The following LINGO2 variants were observed in gnomAD, a reference collection of about 807,000 sequenced individuals.
LINGO2 encodes the protein leucine-rich repeat and immunoglobulin-like domain-containing nogo receptor-interacting protein 2.
In LINGO2, 14 loss-of-function variants were observed where a neutral mutation model predicts 30.6. The ratio of observed to expected loss-of-function variants is 0.46; its 90% CI spans 0.30 to 0.72. The LOEUF is 0.72. Ranked by LOEUF, LINGO2 falls within the 30% of genes least tolerant of loss-of-function variation. The pLI is 0.07. For missense variants in LINGO2, 729 were observed against 751.7 expected (o/e 0.97, Z 0.35); for synonymous variants, 317 against 288.5 (o/e 1.10, Z -1.00).
intron 3 of LINGO2, among the ~76,000 whole-genome samples, chr9:28,344,385 G>A (rs960300171): frequency 1.3e-5 from 2 of 152,104 alleles, no homozygotes; most frequent in African/African-American, 4.8e-5. Flanking sequence ...ATGTTATTAA[G>A]TGAATAAAGT....
rs1827912722 is a variant in LINGO2, at chr9:28,149,275, G to A, written c.-86-136870C>T. ...GAGGCCCAGGCGGGCGGATCAGGAG[G>A]TCAAGAGATTGAGACCTGAGGAGCA... On this transcript the variant is annotated intron_variant, in intron 4 of 5. Transcript: ENST00000379992. The A allele has an allele frequency of 4.8e-6, 3 of 628,560 alleles. No homozygotes were observed. In the African/African-American group the frequency reaches 5.5e-5, roughly 12 times the overall value. The allele number at this position is 628,560 out of a possible 1,614,324, so 38.9% of individuals were successfully genotyped here. A position where few individuals can be genotyped will look rare whatever the true frequency, so the allele number is the denominator to read the frequency against.
intron 4 of LINGO2, among the ~76,000 whole-genome samples, chr9:28,217,478 G>A (rs1037943439): frequency 2.0e-5 from 3 of 152,022 alleles, no homozygotes; most frequent in African/African-American, 7.2e-5. Flanking sequence ...TAGCACTCCT[G>A]TTCATACCCT....
chr9:28,767,444 C>A, the LINGO2 span, among the ~76,000 whole-genome samples: 1 of 152,058 alleles, frequency 6.6e-6, no homozygotes, highest in South Asian at 2.1e-4. Flanking sequence ...TTTTTATTAT[C>A]CAAGTATGCA....
chr9:28,985,898 G>A, the LINGO2 span, among the ~76,000 whole-genome samples: 1 of 151,922 alleles, frequency 6.6e-6, no homozygotes, highest in Non-Finnish European at 1.5e-5. Context: ...CACTTTTGCT[G>A]TCTGCACTTT....
chr9:28,969,334 G>C, the LINGO2 span, among the ~76,000 whole-genome samples: 1 of 152,142 alleles, frequency 6.6e-6, no homozygotes, highest in East Asian at 1.9e-4. Flanking sequence ...ATCCAAGCAA[G>C]AGTAACAGCA....
the LINGO2 span, among the ~76,000 whole-genome samples, chr9:29,055,678 A>T: frequency 1.3e-5 from 2 of 152,112 alleles, no homozygotes; most frequent in African/African-American, 4.8e-5. Context: ...AGCAGTGTAC[A>T]CTGTAACCAG....
At chr9:28,330,822 G>C (rs1327896287) in intron 3 of LINGO2, among the ~76,000 whole-genome samples, 3 of 152,242 alleles carry the variant, frequency 2.0e-5, no homozygotes, top group East Asian at 3.9e-4. Context: ...GTGTTCAAAA[G>C]AGTGACCACA....
chr9:28,299,761 C>G (rs1415163943), intron 3 of LINGO2, among the ~76,000 whole-genome samples: 2 of 151,964 alleles, frequency 1.3e-5, no homozygotes, highest in Non-Finnish European at 2.9e-5. Context: ...TGATAAGTTC[C>G]TAGAGACTGA....
chr9:28,644,071 G>T (rs1367523792), intron 1 of LINGO2, among the ~76,000 whole-genome samples: 1 of 152,010 alleles, frequency 6.6e-6, no homozygotes, highest in East Asian at 1.9e-4. Flanking sequence ...GAGAACCCTT[G>T]TGCACTGTTG....
At chr9:28,660,536 C>T (rs756491838) in intron 1 of LINGO2, among the ~76,000 whole-genome samples, 2 of 151,896 alleles carry the variant, frequency 1.3e-5, no homozygotes, top group Non-Finnish European at 2.9e-5. Flanking sequence ...ATATATCTCA[C>T]AGTAAACATA....
At chr9:28,187,122 T>C (rs373293689) in intron 4 of LINGO2, among the ~76,000 whole-genome samples, 2 of 152,032 alleles carry the variant, frequency 1.3e-5, no homozygotes, top group South Asian at 2.1e-4. Context: ...AGAATAGACA[T>C]ACTAAAGGAA....
chr9:28,985,545 A>G, the LINGO2 span, among the ~76,000 whole-genome samples: 2 of 152,062 alleles, frequency 1.3e-5, no homozygotes, highest in African/African-American at 2.4e-5. Flanking sequence ...CATCTTTTTG[A>G]TAACAGCCAT....
At chr9:28,783,836 C>T in the LINGO2 span, among the ~76,000 whole-genome samples, 7 of 152,254 alleles carry the variant, frequency 4.6e-5, no homozygotes, top group East Asian at 1.4e-3. Flanking sequence ...CTGCACAGTT[C>T]AAGATCAAGA....
intron 1 of LINGO2, among the ~76,000 whole-genome samples, chr9:28,617,537 C>T (rs1180732144): frequency 6.6e-6 from 1 of 151,960 alleles, no homozygotes; most frequent in African/African-American, 2.4e-5. Flanking sequence ...CCTCGTGATC[C>T]GCCCTCCTCG....
chr9:28,067,565 G>A (rs1825352136), intron 4 of LINGO2, among the ~76,000 whole-genome samples: 1 of 152,062 alleles, frequency 6.6e-6, no homozygotes. Context: ...CTTTGCCTCT[G>A]GAAGATAGTT....
chr9:28,049,493 G>A (rs1824572580), intron 4 of LINGO2, among the ~76,000 whole-genome samples: 1 of 150,468 alleles, frequency 6.6e-6, no homozygotes, highest in Non-Finnish European at 1.5e-5. Context: ...TGCATATAGG[G>A]ACTAGGCATG....
chr9:28,794,799 C>T, the LINGO2 span, among the ~76,000 whole-genome samples: 7 of 151,540 alleles, frequency 4.6e-5, no homozygotes, highest in South Asian at 2.1e-4. Flanking sequence ...TTAACAAATT[C>T]AGGAATTATA....
chr9:28,878,851 G>A, the LINGO2 span, among the ~76,000 whole-genome samples: 35 of 151,808 alleles, frequency 2.3e-4, no homozygotes, highest in Non-Finnish European at 4.4e-4. Flanking sequence ...AAATAATAAG[G>A]GCTATCTATG....
chr9:28,782,946 G>A, the LINGO2 span, among the ~76,000 whole-genome samples: 2 of 152,166 alleles, frequency 1.3e-5, no homozygotes, highest in Non-Finnish European at 2.9e-5. Flanking sequence ...TTACAAACCT[G>A]TACAGGGTGT....
Sources: allele counts gnomAD v4.1 joint callset (sites outside exome capture counted in the v4.1 genomes callset), GRCh38; gene constraint gnomAD v4.1.1; transcripts MANE v1.5; gene names NCBI Gene and HGNC (gene_info 2026-07-23, HGNC 2026-07-21).